CCDC40: variants seen among roughly 807,000 people sequenced by gnomAD.
CCDC40 encodes coiled-coil domain 40 molecular ruler complex subunit.
CCDC40 carries 104 observed loss-of-function variants against 124.5 expected under a neutral mutation model. The observed-to-expected ratio is 0.84, with a 90% CI of 0.71 to 0.98. The LOEUF (loss-of-function observed/expected upper bound fraction) is 0.98, where lower values mean the gene tolerates loss of function less well. Among genes scored for constraint, CCDC40 ranks in the 50% least tolerant of loss-of-function variants. The probability of loss-of-function intolerance (pLI) is 0.00; values close to 1 mark genes in which losing one functional copy is unlikely to be tolerated. For missense variants in CCDC40, 1,463 were observed against 1,503.9 expected (o/e 0.97, Z 0.45); for synonymous variants, 580 against 602.9 (o/e 0.96, Z 0.56).
Position 80,087,810 on chromosome 17 carries a change from G to C in CCDC40, c.2619+34G>C. ...GTGTCCACGCAGTCCCGGGGCTCAG[G>C]ACGATGGAGGGCGGGGGTACGGTCC... On this transcript the variant is annotated intron_variant, in intron 15 of 19. Coordinates refer to ENST00000397545, the MANE Select transcript of CCDC40 (RefSeq NM_017950.4). This position sits in a 1 kb window ranked among gnomAD's most constrained non-coding sequence, Gnocchi z 4.5. 1 of 1,604,826 alleles carries C rather than the reference G, an allele frequency of 6.2e-7. No individual in the cohort carries two copies. The highest frequency in any genetic ancestry group is 8.5e-7 in the Non-Finnish European group (1 of 1,171,944).
Position 80,095,323 on chromosome 17 carries a change from G to A in CCDC40, c.2893G>A (p.Val965Ile), listed in dbSNP as rs2038788307. 6.2e-7 allele frequency: 1 copy of A among 1,614,002 alleles called. No individual in the cohort carries two copies. The highest frequency in any genetic ancestry group is 1.3e-5 in the African/African-American group (1 of 74,954). ...GATGATCCGTGCCATGGAGTTGGCG[G>A]TTGCCCGCAGAGAGACCGTCACCAC... ...EKMIRAMELA[V>I]ARRETVTTQA... Residue 965 changes from valine to isoleucine, a missense_variant, in exon 18 of 20, where the codon GTT (valine) becomes ATT (isoleucine). Val to Ile is a conservative substitution (Grantham distance 29). Coordinates refer to ENST00000397545, the MANE Select transcript of CCDC40 (RefSeq NM_017950.4).
Position 80,058,936 on chromosome 17 carries a change from G to A in CCDC40, c.1396G>A (p.Ala466Thr). 3.1e-6 allele frequency: 5 copies of A among 1,614,160 alleles called. No homozygotes were observed. The highest frequency in any genetic ancestry group is 3.4e-6 in the Non-Finnish European group (4 of 1,180,028). ...DIALFEAQYL[A>T]QAEDTRILRK... is the part of the protein sequence containing the mutation. ...TGCCCTGTTTGAGGCTCAGTACTTG[G>A]CCCAAGCTGAGGACACCCGGATTTT... The change falls in exon 9 of 20, where the codon GCC (alanine) becomes ACC (threonine). Residue 466 changes from alanine (A) to threonine (T), a missense_variant. Coordinates refer to ENST00000397545, the MANE Select transcript of CCDC40 (RefSeq NM_017950.4). The surrounding 1 kb of genome is among the most constrained non-coding windows in gnomAD (Gnocchi z 4.2).
intron 9 of CCDC40, among the ~76,000 whole-genome samples, chr17:80,065,106 C>T (rs1433190774): frequency 2.5e-5 from 2 of 79,250 alleles, no homozygotes; most frequent in African/African-American, 1.0e-4. Context: ...CCCTCTCCCC[C>T]TCCTCCCTCT....
intron 10 of CCDC40, 22 bp from the exon 11 acceptor site, chr17:80,081,524 T>C: frequency 6.2e-7 from 1 of 1,613,092 alleles, no homozygotes; most frequent in Non-Finnish European, 8.5e-7. Context: ...CGTAACTGGC[T>C]CTCCCCGCTG....
At chr17:80,094,460 A>G (rs1222565608) in intron 17 of CCDC40, among the ~76,000 whole-genome samples, 1 of 151,952 alleles carries the variant, frequency 6.6e-6, no homozygotes, top group Non-Finnish European at 1.5e-5. Flanking sequence ...TATGCCTGCA[A>G]TCCCAGCTTT....
chr17:80,059,125 C>G, intron 9 of CCDC40, 145 bp downstream of exon 9: 1 of 1,030,562 alleles, frequency 9.7e-7, no homozygotes, highest in Non-Finnish European at 1.5e-6. Context: ...TCGGGCCCTC[C>G]CCATGGTGGG....
intron 10 of CCDC40, among the ~76,000 whole-genome samples, chr17:80,069,230 C>T (rs2038127542): frequency 6.6e-6 from 1 of 152,114 alleles, no homozygotes; most frequent in Admixed American, 6.5e-5. Context: ...GACTGACTTC[C>T]CCGTCCTTGG....
At chr17:80,077,640 A>G (rs2038341208) in intron 10 of CCDC40, among the ~76,000 whole-genome samples, 1 of 152,212 alleles carries the variant, frequency 6.6e-6, no homozygotes, top group Non-Finnish European at 1.5e-5. Flanking sequence ...AACATTTGGT[A>G]TTATCAGTCA....
Position 80,039,670 on chromosome 17 carries a change from A to C in CCDC40, c.94-142A>C, listed in dbSNP as rs2143575724. The C allele has an allele frequency of 3.6e-6, 4 of 1,119,886 alleles. No individual in the cohort carries two copies. The East Asian group carries it at 1.1e-4, about 29-fold the overall frequency. 69.4% of individuals were successfully genotyped at this position (1,119,886 alleles called of 1,614,324 possible). A position where few individuals can be genotyped will look rare whatever the true frequency, so the allele number is the denominator to read the frequency against. ...CGTGATCTGCCTGCCTCAGCCTCCC[A>C]AAGTGAAACATGATCTCTTAGTGAT... On this transcript the variant is annotated intron_variant, in intron 2 of 19. Transcript: ENST00000397545.
In CCDC40 at chr17:80,065,973, G is replaced by A. The variant is rs2038035728; in HGVS notation, c.1562+367G>A. The A allele has an allele frequency of 9.4e-6, 6 of 638,782 alleles. No individual in the cohort carries two copies. The East Asian group carries it at 1.6e-4, about 17-fold the overall frequency. 39.6% of individuals were successfully genotyped at this position (638,782 alleles called of 1,614,324 possible). A position where few individuals can be genotyped will look rare whatever the true frequency, so the allele number is the denominator to read the frequency against. ...CCATCCCTTCTCGATTGTTCTGCCT[G>A]AGGGCTGCATTCCAACCGAAATCCT... On this transcript the variant is annotated intron_variant, in intron 10 of 19. Transcript: ENST00000397545.
In CCDC40 at chr17:80,058,674, G is replaced by A. The variant is rs768424115; in HGVS notation, c.1317+23G>A. The A allele has an allele frequency of 6.4e-5, 103 of 1,613,770 alleles. No homozygotes were observed. The South Asian group carries it at 1.1e-3, about 18-fold the overall frequency. ...CAGGTATTCTGCAAACTCGACACAT[G>A]TTTAATGATCACCAGACCGTGGAGC... On this transcript the variant is annotated intron_variant, in intron 8 of 19. Transcript: ENST00000397545. This position sits in a 1 kb window ranked among gnomAD's most constrained non-coding sequence, Gnocchi z 4.2.
chr17:80,056,010 A>ATTT (rs1326886577), intron 7 of CCDC40, among the ~76,000 whole-genome samples: 30 of 13,774 alleles, frequency 2.2e-3, no homozygotes, highest in African/African-American at 4.6e-3. Flanking sequence ...ATATATATAT[A>ATTT]TATATATTTT....
chr17:80,092,112 C>T, intron 17 of CCDC40: 1 of 152,176 alleles, frequency 6.6e-6, no homozygotes, highest in Non-Finnish European at 1.5e-5. Flanking sequence ...CGGCTCGCTG[C>T]AACCTCCGCC....
chr17:80,047,203 G>A, intron 3 of CCDC40, 76 bp from the exon 4 acceptor site: 2 of 1,491,088 alleles, frequency 1.3e-6, no homozygotes, highest in South Asian at 1.1e-5. Flanking sequence ...TTTCACAAAT[G>A]TAATGAGTTA....
At chr17:80,062,525 A>G (rs1487277673) in intron 9 of CCDC40, among the ~76,000 whole-genome samples, 4 of 141,332 alleles carry the variant, frequency 2.8e-5, no homozygotes, top group South Asian at 2.2e-4. Context: ...TCATTGTTCA[A>G]TTCCCACCTA....
Position 80,040,157 on chromosome 17 carries a change from G to C in CCDC40, c.439G>C (p.Gly147Arg). The change falls in exon 3 of 20, where the codon GGT becomes CGT. Residue 147 changes from glycine to arginine, a missense_variant. Transcript: ENST00000397545. ...CCAAGGCTTCCAGCAAGAGGCCACC[G>C]GTCCACCAGAATCCAGAGAAAGGAG... is the stretch of plus-strand genomic sequence containing the variant. ...GLQGFQQEATGPPESRERRVT... is the reference protein window; with the variant it reads ...GLQGFQQEATRPPESRERRVT... 1 of 1,613,920 alleles carries C rather than the reference G, an allele frequency of 6.2e-7. No individual in the cohort carries two copies.
chr17:80,087,134 G>A lies in CCDC40; in HGVS notation c.2450-473G>A, dbSNP rs557525806. 2.3e-4 allele frequency: 54 copies of A among 238,952 alleles called. No individual in the cohort carries two copies. Among genetic ancestry groups the A allele is most frequent in the Non-Finnish European group, 4.2e-4 (50 of 119,700 alleles). 14.8% of individuals were successfully genotyped at this position (238,952 alleles called of 1,614,324 possible). A position where few individuals can be genotyped will look rare whatever the true frequency, so the allele number is the denominator to read the frequency against. ...GGATGAACCAGCTGTGGCCTCTTGTGCCCTCCACCCATCTTAACATCAAGA... is the reference window on the plus strand; with the variant it reads ...GGATGAACCAGCTGTGGCCTCTTGTACCCTCCACCCATCTTAACATCAAGA... On this transcript the variant is annotated intron_variant, in intron 14 of 19. Coordinates refer to ENST00000397545, the MANE Select transcript of CCDC40 (RefSeq NM_017950.4). The surrounding 1 kb of genome is among the most constrained non-coding windows in gnomAD (Gnocchi z 4.5).
At position 80,086,268 on chromosome 17, in the gene CCDC40, C is replaced by A; in HGVS notation, c.2449+52C>A. On this transcript the variant is annotated intron_variant, in intron 14 of 19. Transcript: ENST00000397545. This position sits in a 1 kb window ranked among gnomAD's most constrained non-coding sequence, Gnocchi z 5.5. ...AGTGATGCTGAGACGAGCTCTGGGA[C>A]GTGGGCACCTCCCAGGGGAGGGGCA... is the stretch of plus-strand genomic sequence containing the variant. 1 of 1,462,398 alleles carries A rather than the reference C, an allele frequency of 6.8e-7. No individual in the cohort carries two copies. Among genetic ancestry groups the A allele is most frequent in the Non-Finnish European group, 9.4e-7 (1 of 1,066,568 alleles). 90.6% of individuals were successfully genotyped at this position (1,462,398 alleles called of 1,614,324 possible). A position where few individuals can be genotyped will look rare whatever the true frequency, so the allele number is the denominator to read the frequency against.
At chr17:80,083,281 G>A (rs553985226) in intron 12 of CCDC40, among the ~76,000 whole-genome samples, 54 of 152,144 alleles carry the variant, frequency 3.5e-4, no homozygotes, top group Non-Finnish European at 3.5e-4. Flanking sequence ...AGAGGAGGAG[G>A]CTGCGAGCTG....
Sources: gnomAD v4.1 joint callset for allele counts (sites outside exome capture counted in the v4.1 genomes callset) on GRCh38, gnomAD v4.1.1 for gene constraint, Gnocchi (gnomAD v3.1) non-coding constraint, MANE v1.5 for transcripts, NCBI Gene and HGNC (gene_info 2026-07-23, HGNC 2026-07-21) for gene names.